The following NEK11 variants were observed in gnomAD, a reference collection of about 807,000 sequenced individuals.
The protein encoded by NEK11 is serine/threonine-protein kinase Nek11.
NEK11 carries 72 observed loss-of-function variants against 80.7 expected under a neutral mutation model. The observed-to-expected ratio is 0.89, with a 90% confidence interval of 0.74 to 1.08. NEK11 has a LOEUF of 1.08. NEK11 is among the 50% of genes least tolerant of loss of function. The probability of loss-of-function intolerance (pLI) is 0.00; values close to 1 mark genes in which losing one functional copy is unlikely to be tolerated. For synonymous variants in NEK11, 251 were observed against 260.7 expected (o/e 0.96, Z 0.36); for missense variants, 764 against 763.6 (o/e 1.00, Z -0.01).
At chr3:131,340,898 A>C (rs1479568437) in intron 17 of NEK11, among the ~76,000 whole-genome samples, 2 of 152,200 alleles carry the variant, frequency 1.3e-5, no homozygotes, top group Non-Finnish European at 2.9e-5. Context: ...AAAATGATAA[A>C]ATTTAGAAAG....
At chr3:131,284,342 G>T (rs1304806614) in intron 17 of NEK11, among the ~76,000 whole-genome samples, 3 of 152,204 alleles carry the variant, frequency 2.0e-5, no homozygotes, top group African/African-American at 7.2e-5. Flanking sequence ...CTTAGGACAT[G>T]CCCTATGGTA....
chr3:131,136,791 A>C (rs543444243), intron 7 of NEK11, among the ~76,000 whole-genome samples: 1 of 152,296 alleles, frequency 6.6e-6, no homozygotes, highest in East Asian at 1.9e-4. Flanking sequence ...TGTATAAGCA[A>C]TTGTTGAATA....
intron 17 of NEK11, among the ~76,000 whole-genome samples, chr3:131,311,405 C>G (rs994141700): frequency 6.6e-6 from 1 of 152,190 alleles, no homozygotes; most frequent in Non-Finnish European, 1.5e-5. Flanking sequence ...TTGTTCACCC[C>G]CCTCAACCCC....
At position 131,110,489 on chromosome 3, in the gene NEK11, A is replaced by G. The variant is rs536251684; in HGVS notation, c.455+568A>G. On this transcript the variant is annotated intron_variant, in intron 5 of 17. Coordinates refer to ENST00000383366, the MANE Select transcript of NEK11 (RefSeq NM_024800.5). ...TTTTGATTATCTGTGATTTACATTT[A>G]CAATCTCTGCCTCAAAAATGTATTT... 3.3e-5 allele frequency among the ~76,000 whole-genome samples: 5 copies of G among 152,296 alleles called. No individual in the cohort carries two copies. The South Asian group carries it at 1.0e-3, about 32-fold the overall frequency.
At chr3:131,073,492 GTAT>G (rs1288652542) in intron 3 of NEK11, among the ~76,000 whole-genome samples, 1 of 152,056 alleles carries the variant, frequency 6.6e-6, no homozygotes, top group Non-Finnish European at 1.5e-5. Context: ...TTTATTAGCT[GTAT>G]TATTAATTAT....
chr3:131,246,433 C>T (rs971225330), intron 16 of NEK11, among the ~76,000 whole-genome samples: 1 of 152,176 alleles, frequency 6.6e-6, no homozygotes, highest in Non-Finnish European at 1.5e-5. Context: ...GCCATTATTT[C>T]ATTCCTTTTT....
rs116940934 is a variant in NEK11, at chr3:131,324,871, A to G, written c.1719-24686A>G. Among the ~76,000 whole-genome samples, 408 of 152,256 alleles carry G rather than the reference A, an allele frequency of 2.7e-3. 14 individuals carry two copies. The East Asian group carries it at 0.069, about 26-fold the overall frequency. ...TGTTCGATTAGGTGAGCTCCTTGGT[A>G]CCTTACAGGGATTTAAAAAAATTCT... On this transcript the variant is annotated intron_variant, in intron 17 of 17. Transcript: ENST00000383366.
intron 14 of NEK11, among the ~76,000 whole-genome samples, chr3:131,214,865 G>A (rs139750212): frequency 8.9e-4 from 135 of 152,252 alleles, no homozygotes; most frequent in African/African-American, 3.2e-3. Context: ...AAAGGGTCAT[G>A]AATATGCATT....
In NEK11 at chr3:131,146,891, C is replaced by G. The variant is rs1414639187; in HGVS notation, c.648-5497C>G. ...TTTTCTATTGGATTCTCTCATTTTT[C>G]TTATTGCTTTATAGAAGTTTTAATT... is the stretch of plus-strand genomic sequence containing the variant. On this transcript the variant is annotated intron_variant, in intron 7 of 17. Transcript: ENST00000383366. 2.0e-5 allele frequency among the ~76,000 whole-genome samples: 3 copies of G among 151,868 alleles called. No individual in the cohort carries two copies. The East Asian group carries it at 5.8e-4, about 29-fold the overall frequency.
At chr3:131,323,908 T>C (rs2109813266) in intron 17 of NEK11, among the ~76,000 whole-genome samples, 1 of 152,212 alleles carries the variant, frequency 6.6e-6, no homozygotes, top group East Asian at 1.9e-4. Flanking sequence ...TTATTGTGCT[T>C]CTGTGTCAGG....
intron 17 of NEK11, among the ~76,000 whole-genome samples, chr3:131,288,453 T>TCTTTC (rs1553993064): frequency 1.8e-3 from 49 of 27,294 alleles, no homozygotes; most frequent in African/African-American, 2.9e-3. Flanking sequence ...TTTCTTTCTT[T>TCTTTC]TTTTTTTTTT....
intron 3 of NEK11, among the ~76,000 whole-genome samples, chr3:131,044,742 G>A (rs908071218): frequency 6.6e-6 from 1 of 151,996 alleles, no homozygotes; most frequent in African/African-American, 2.4e-5. Context: ...GGATATTCAG[G>A]ACTTGAACTC....
At chr3:131,215,056 AC>A (rs754716598) in intron 14 of NEK11, among the ~76,000 whole-genome samples, 126 of 152,132 alleles carry the variant, frequency 8.3e-4, no homozygotes, top group Middle Eastern at 3.4e-3. Flanking sequence ...ACTGATGTGC[AC>A]CCCCATCCTA....
At chr3:131,050,110 A>G (rs2068114873) in intron 3 of NEK11, among the ~76,000 whole-genome samples, 1 of 152,326 alleles carries the variant, frequency 6.6e-6, no homozygotes, top group East Asian at 1.9e-4. Context: ...TTTGCCATTA[A>G]CCAGACTCAC....
At chr3:131,338,620 A>G (rs1315505573) in intron 17 of NEK11, among the ~76,000 whole-genome samples, 1 of 152,198 alleles carries the variant, frequency 6.6e-6, no homozygotes, top group Admixed American at 6.5e-5. Flanking sequence ...GAATGGATAA[A>G]CCAACTGCAG....
intron 9 of NEK11, among the ~76,000 whole-genome samples, chr3:131,153,737 TGAAAG>T (rs988070186): frequency 1.3e-5 from 2 of 152,154 alleles, no homozygotes; most frequent in Admixed American, 6.5e-5. Context: ...GATGCCAAAA[TGAAAG>T]GAACAGGTAT....
At position 131,106,935 on chromosome 3, in the gene NEK11, C is replaced by T. The variant is rs577471725; in HGVS notation, c.337-2868C>T. Among the ~76,000 whole-genome samples, 3 of 152,164 alleles carry T rather than the reference C, an allele frequency of 2.0e-5. No individual in the cohort carries two copies. In the South Asian group the frequency reaches 6.2e-4, roughly 32 times the overall value. On this transcript the variant is annotated intron_variant, in intron 4 of 17. Transcript: ENST00000383366. ...GTGAATTTTTTTCTGGCCCATGGAACAAGATTACCCACCCAGATGGCTAAA... is the reference window on the plus strand; with the variant it reads ...GTGAATTTTTTTCTGGCCCATGGAATAAGATTACCCACCCAGATGGCTAAA...
intron 17 of NEK11, among the ~76,000 whole-genome samples, chr3:131,337,377 A>C (rs545463942): frequency 6.6e-6 from 1 of 151,342 alleles, no homozygotes; most frequent in East Asian, 2.0e-4. Context: ...AAAACACCAA[A>C]CACCGCATGT....
intron 13 of NEK11, among the ~76,000 whole-genome samples, chr3:131,169,788 A>G (rs1291367503): frequency 6.6e-6 from 1 of 152,222 alleles, no homozygotes; most frequent in Non-Finnish European, 1.5e-5. Flanking sequence ...GAAACTCAGC[A>G]AATCAAAGTT....
Sources: allele counts gnomAD v4.1 joint callset (sites outside exome capture counted in the v4.1 genomes callset), GRCh38; gene constraint gnomAD v4.1.1; transcripts MANE v1.5; gene names NCBI Gene and HGNC (gene_info 2026-07-23, HGNC 2026-07-21).